The following RGS5 variants were observed in gnomAD, a reference collection of about 807,000 sequenced individuals.
RGS5 encodes regulator of G-protein signalling 5.
RGS5 carries 20 observed loss-of-function variants against 18.9 expected under a neutral mutation model. The observed-to-expected ratio is 1.06, with a 90% confidence interval of 0.74 to 1.54. The LOEUF (loss-of-function observed/expected upper bound fraction) is 1.54. RGS5 is among the 40% of genes most tolerant of loss of function. The probability of loss-of-function intolerance (pLI) is 0.00; values close to 1 mark genes in which losing one functional copy is unlikely to be tolerated. For missense variants in RGS5, 201 were observed against 211.8 expected (o/e 0.95, Z 0.32); for synonymous variants, 57 against 76.2 (o/e 0.75, Z 1.31).
At chr1:163,149,183 TTGA>T (rs1657274145) in intron 4 of RGS5, among the ~76,000 whole-genome samples, 1 of 152,134 alleles carries the variant, frequency 6.6e-6, no homozygotes, top group Admixed American at 6.5e-5. Context: ...AGCGTCAGAG[TTGA>T]TGAAGTCCAA....
chr1:163,276,004 TC>T (rs1648843216), intron 2 of RGS5, among the ~76,000 whole-genome samples: 1 of 150,212 alleles, frequency 6.7e-6, no homozygotes. Flanking sequence ...TGTGGCACAT[TC>T]TTTTTTTTTT....
intron 2 of RGS5, chr1:163,248,295 C>T (rs1647999364): frequency 6.6e-6 from 1 of 152,036 alleles, no homozygotes; most frequent in Non-Finnish European, 1.5e-5. Flanking sequence ...TCAAAGACTC[C>T]TGTTGTTTAT....
intron 3 of RGS5, among the ~76,000 whole-genome samples, chr1:163,154,538 A>C (rs1657509796): frequency 6.6e-6 from 1 of 152,096 alleles, no homozygotes; most frequent in Non-Finnish European, 1.5e-5. Context: ...GGTATAATAA[A>C]CAATTTTCAA....
intron 1 of RGS5, among the ~76,000 whole-genome samples, chr1:163,216,170 G>T (rs1660212600): frequency 2.0e-5 from 3 of 152,028 alleles, no homozygotes; most frequent in Non-Finnish European, 4.4e-5. Context: ...GTGCTAATGT[G>T]GGAGTCGGGA....
intron 2 of RGS5, among the ~76,000 whole-genome samples, chr1:163,252,869 A>G (rs896392957): frequency 6.6e-6 from 1 of 152,188 alleles, no homozygotes; most frequent in African/African-American, 2.4e-5. Flanking sequence ...TTGTTTGTGT[A>G]ACTTTGGATA....
At chr1:163,255,172 C>G (rs1374586673) in intron 2 of RGS5, among the ~76,000 whole-genome samples, 4 of 151,918 alleles carry the variant, frequency 2.6e-5, no homozygotes, top group Admixed American at 2.6e-4. Flanking sequence ...TAGTTTTTTC[C>G]AATTCTGTGA....
chr1:163,171,483 TAAC>T (rs1481453996), intron 1 of RGS5, among the ~76,000 whole-genome samples: 1 of 152,198 alleles, frequency 6.6e-6, no homozygotes, highest in Non-Finnish European at 1.5e-5. Flanking sequence ...AATATTTAGA[TAAC>T]AATGATGTAA....
intron 4 of RGS5, among the ~76,000 whole-genome samples, chr1:163,148,966 A>G (rs1357089646): frequency 6.6e-6 from 1 of 152,256 alleles, no homozygotes; most frequent in Non-Finnish European, 1.5e-5. Flanking sequence ...CTTTGGGCTC[A>G]GAGAATTATG....
At chr1:163,214,602 C>T (rs1660177035) in intron 1 of RGS5, among the ~76,000 whole-genome samples, 2 of 152,196 alleles carry the variant, frequency 1.3e-5, no homozygotes, top group South Asian at 2.1e-4. Flanking sequence ...TAGCCTTAAT[C>T]TCACCCCTAC....
chr1:163,274,604 T>G (rs7527774), intron 2 of RGS5, among the ~76,000 whole-genome samples: 32,512 of 152,126 alleles, frequency 0.21, 3,710 homozygotes, highest in African/African-American at 0.3. Context: ...ATTTATAACT[T>G]GTTTGTCAGG....
At chr1:163,222,894 C>T (rs906489648) in intron 2 of RGS5, among the ~76,000 whole-genome samples, 1 of 152,148 alleles carries the variant, frequency 6.6e-6, no homozygotes, top group Non-Finnish European at 1.5e-5. Context: ...CGGCCTCACT[C>T]TGTCACCCAG....
intron 1 of RGS5, among the ~76,000 whole-genome samples, chr1:163,173,574 A>G (rs879829868): frequency 2.0e-5 from 3 of 152,180 alleles, no homozygotes; most frequent in Admixed American, 1.3e-4. Context: ...AAACAGAAAC[A>G]TGGTTAAATT....
At chr1:163,170,114 G>T (rs556463417) in intron 1 of RGS5, among the ~76,000 whole-genome samples, 2 of 152,272 alleles carry the variant, frequency 1.3e-5, no homozygotes, top group Admixed American at 1.3e-4. Flanking sequence ...CATAGGACAA[G>T]TTGTTGAATA....
chr1:163,170,305 C>G (rs1658242403), intron 1 of RGS5, among the ~76,000 whole-genome samples: 1 of 152,186 alleles, frequency 6.6e-6, no homozygotes, highest in African/African-American at 2.4e-5. Context: ...CTGTGCCTAG[C>G]ACAATGCTTG....
chr1:163,206,234 T>G (rs557203035), upstream of RGS5, among the ~76,000 whole-genome samples: 1 of 152,312 alleles, frequency 6.6e-6, no homozygotes, highest in Non-Finnish European at 1.5e-5. Context: ...GCTGGCACCT[T>G]GATCTTGAAC....
At chr1:163,176,133 C>T (rs765160183) in intron 1 of RGS5, among the ~76,000 whole-genome samples, 43 of 152,166 alleles carry the variant, frequency 2.8e-4, no homozygotes, top group Non-Finnish European at 4.1e-4. Flanking sequence ...TATGTTCTAA[C>T]GTTTCCCTTC....
intron 1 of RGS5, chr1:163,212,866 T>A (rs1272879971): frequency 3.3e-5 from 5 of 152,208 alleles, no homozygotes; most frequent in Non-Finnish European, 7.3e-5. Context: ...AATCTCACAC[T>A]ATTTTGTTCC....
At chr1:163,255,164 GT>G (rs1362087715) in intron 2 of RGS5, among the ~76,000 whole-genome samples, 4 of 152,048 alleles carry the variant, frequency 2.6e-5, no homozygotes, top group African/African-American at 9.7e-5. Context: ...CTTTAAAGTA[GT>G]TTTTTCCAAT....
At chr1:163,254,493 G>GTGTT (rs1648214628) in intron 2 of RGS5, among the ~76,000 whole-genome samples, 1 of 137,350 alleles carries the variant, frequency 7.3e-6, no homozygotes, top group Non-Finnish European at 1.7e-5. Flanking sequence ...CTTTTTGATG[G>GTGTT]GGTTGTTTTT....
Sources: gnomAD v4.1 joint callset for allele counts (sites outside exome capture counted in the v4.1 genomes callset) on GRCh38, gnomAD v4.1.1 for gene constraint, MANE v1.5 for transcripts, NCBI Gene and HGNC (gene_info 2026-07-23, HGNC 2026-07-21) for gene names.